LRRK1: variants seen among roughly 807,000 people sequenced by gnomAD.
The protein encoded by LRRK1 is leucine rich repeat kinase 1.
In LRRK1, 113 loss-of-function variants were observed where a neutral mutation model predicts 209.1. That is an observed-to-expected ratio of 0.54 (90% CI 0.46 to 0.63). The LOEUF (loss-of-function observed/expected upper bound fraction) is 0.63, where lower values mean the gene tolerates loss of function less well. LRRK1 is among the 30% of genes least tolerant of loss of function. LRRK1 has a pLI of 0.00. For synonymous variants in LRRK1, 1,144 were observed against 1,099.7 expected, an observed-to-expected ratio of 1.04 and a Z score of -0.80; for missense variants, 2,284 against 2,632.2, an observed-to-expected ratio of 0.87 and a Z score of 2.89.
chr15:101,029,798 G>T (rs535735242), intron 20 of LRRK1, among the ~76,000 whole-genome samples: 2 of 152,268 alleles, frequency 1.3e-5, no homozygotes, highest in Non-Finnish European at 2.9e-5. Flanking sequence ...AACCCAGGAG[G>T]CAGAGGTTGC....
intron 6 of LRRK1, among the ~76,000 whole-genome samples, chr15:100,993,575 C>T (rs892027642): frequency 2.0e-5 from 3 of 152,190 alleles, no homozygotes; most frequent in Admixed American, 2.0e-4. Flanking sequence ...TTTGTTTTCT[C>T]TTCACGTGTC....
intron 20 of LRRK1, among the ~76,000 whole-genome samples, chr15:101,033,698 T>C (rs183987828): frequency 1.5e-4 from 23 of 152,324 alleles, no homozygotes; most frequent in African/African-American, 5.5e-4. Context: ...TCCTTATCTT[T>C]GCTATTTTGA....
chr15:100,935,991 C>G (rs1461284020), intron 2 of LRRK1, among the ~76,000 whole-genome samples: 2 of 152,194 alleles, frequency 1.3e-5, no homozygotes. Flanking sequence ...AGGCCTAGAC[C>G]TGGTACAGCA....
intron 24 of LRRK1, 95 bp downstream of exon 24, chr15:101,052,055 G>C: frequency 6.9e-7 from 1 of 1,439,872 alleles, no homozygotes; most frequent in Non-Finnish European, 9.4e-7. Flanking sequence ...AGACCCCTCT[G>C]GGGCGGGCAG....
At chr15:100,980,783 G>A (rs2031554850) in intron 3 of LRRK1, among the ~76,000 whole-genome samples, 1 of 152,192 alleles carries the variant, frequency 6.6e-6, no homozygotes. Flanking sequence ...TTAGAAGTCA[G>A]TATAGTGGCT....
chr15:100,949,386 ATAAG>A (rs1341404649), intron 2 of LRRK1, among the ~76,000 whole-genome samples: 1 of 152,164 alleles, frequency 6.6e-6, no homozygotes, highest in Non-Finnish European at 1.5e-5. Flanking sequence ...TAATAAATAA[ATAAG>A]TAATTCCCCA....
chr15:100,985,148 G>A (rs2031803616), intron 4 of LRRK1, among the ~76,000 whole-genome samples: 1 of 19,636 alleles, frequency 5.1e-5, no homozygotes, highest in Non-Finnish European at 2.0e-4. Context: ...TCATGTGTCT[G>A]AACAGAATGA....
At chr15:101,009,135 G>A in intron 7 of LRRK1, 72 bp downstream of exon 7, 1 of 1,228,718 alleles carries the variant, frequency 8.1e-7, no homozygotes, top group Non-Finnish European at 1.2e-6. Flanking sequence ...ACATGCTCCC[G>A]GGTTGTATTT....
chr15:100,932,300 T>C (rs1225802266), intron 2 of LRRK1, among the ~76,000 whole-genome samples: 1 of 152,202 alleles, frequency 6.6e-6, no homozygotes, highest in African/African-American at 2.4e-5. Context: ...TGTGTTTTCT[T>C]CCTAACCTCT....
chr15:101,008,408 G>A (rs934595902), intron 6 of LRRK1, among the ~76,000 whole-genome samples: 2 of 152,212 alleles, frequency 1.3e-5, no homozygotes, highest in Non-Finnish European at 2.9e-5. Flanking sequence ...AGGAAAGGCC[G>A]CCTTGAAGGG....
chr15:101,021,991 C>T (rs775745272), intron 14 of LRRK1, 34 bp downstream of exon 14: 5 of 1,482,446 alleles, frequency 3.4e-6, no homozygotes, highest in East Asian at 2.3e-5. Context: ...CCTGCCATCA[C>T]CTCTTGGAAA....
intron 6 of LRRK1, among the ~76,000 whole-genome samples, chr15:101,006,070 G>A (rs55927203): frequency 1.4e-3 from 211 of 152,182 alleles, no homozygotes; most frequent in Non-Finnish European, 2.3e-3. Context: ...AATCGCAAAG[G>A]GTATAATGTT....
rs202150324 is a variant in LRRK1, at chr15:101,053,208, C to T, written c.3857-15C>T. ...CCCCATGTCCTACTGGCTGACACTG[C>T]GCTGTCCCTGGCAGACACCATGCTG... On this transcript the variant is annotated splice_polypyrimidine_tract_variant and intron_variant, in intron 25 of 33. Transcript: ENST00000388948. The T allele has an allele frequency of 1.1e-5, 17 of 1,603,186 alleles. No homozygotes were observed. Among genetic ancestry groups the T allele is most frequent in the African/African-American group, 5.3e-5 (4 of 75,050 alleles).
chr15:101,077,252 G>A lies in LRRK1; in HGVS notation c.*8404G>A, dbSNP rs1045976649. ...CTCATTCCAGACACCAGACCAACTT[G>A]GACTGTGCCCCAAAAAACTTGTCAT... On this transcript the variant is annotated 3_prime_UTR_variant, in exon 34 of 34. Coordinates refer to ENST00000388948, the MANE Select transcript of LRRK1 (RefSeq NM_024652.6). The A allele has an allele frequency of 1.3e-5, 2 of 152,156 alleles. No individual in the cohort carries two copies. The highest frequency in any genetic ancestry group is 1.9e-4 in the East Asian group (1 of 5,200). The allele number at this position is 152,156 out of a possible 1,614,324, so 9.4% of individuals were successfully genotyped here. A position where few individuals can be genotyped will look rare whatever the true frequency, so the allele number is the denominator to read the frequency against.
intron 3 of LRRK1, among the ~76,000 whole-genome samples, chr15:100,980,108 C>G (rs2031516616): frequency 6.6e-6 from 1 of 152,158 alleles, no homozygotes; most frequent in African/African-American, 2.4e-5. Flanking sequence ...CTTACATGCA[C>G]ATGAAAACTT....
chr15:101,003,452 C>A (rs2032797707), intron 6 of LRRK1, among the ~76,000 whole-genome samples: 1 of 152,172 alleles, frequency 6.6e-6, no homozygotes, highest in Non-Finnish European at 1.5e-5. Context: ...CTGATAAAAA[C>A]ATACTTGAGA....
chr15:101,023,840 C>T (rs74040251), intron 15 of LRRK1, among the ~76,000 whole-genome samples: 10,283 of 152,260 alleles, frequency 0.068, 1,145 homozygotes, highest in African/African-American at 0.23. Context: ...CGACAATCAA[C>T]GCTAGGCCAA....
chr15:101,010,619 C>CTTGG (rs2033184307), intron 8 of LRRK1, 42 bp downstream of exon 8: 1 of 1,587,628 alleles, frequency 6.3e-7, no homozygotes, highest in African/African-American at 1.4e-5. Flanking sequence ...TCATTTTCTT[C>CTTGG]TTGGTAGGGA....
rs1343930344 is a variant in LRRK1, at chr15:100,919,726, G to A, written c.-123+275G>A. Among the ~76,000 whole-genome samples the A allele has an allele frequency of 6.6e-6, 1 of 152,110 alleles. No homozygotes were observed. Among genetic ancestry groups the A allele is most frequent in the Non-Finnish European group, 1.5e-5 (1 of 67,994 alleles). Reference sequence around the variant, plus strand: ...CCCAGCCAGCCTGTGGGAGGGGAGCGCGCGGGGCCCGAGCAGGGAACCCCG... The same window carrying A: ...CCCAGCCAGCCTGTGGGAGGGGAGCACGCGGGGCCCGAGCAGGGAACCCCG... On this transcript the variant is annotated intron_variant, in intron 1 of 33. Coordinates refer to ENST00000388948, the MANE Select transcript of LRRK1 (RefSeq NM_024652.6). The surrounding 1 kb of genome is among the most constrained non-coding windows in gnomAD (Gnocchi z 5.8).
Sources: gnomAD v4.1 joint callset for allele counts (sites outside exome capture counted in the v4.1 genomes callset) on GRCh38, gnomAD v4.1.1 for gene constraint, Gnocchi (gnomAD v3.1) non-coding constraint, MANE v1.5 for transcripts, NCBI Gene and HGNC (gene_info 2026-07-23, HGNC 2026-07-21) for gene names.